Variants in CAMTA1 observed in about 807,000 individuals in gnomAD.
CAMTA1 encodes calmodulin-binding transcription activator 1.
In CAMTA1, 27 loss-of-function variants were observed where a neutral mutation model predicts 170.9. The ratio of observed to expected loss-of-function variants is 0.16; its 90% CI spans 0.12 to 0.22. The LOEUF is 0.22. Among genes scored for constraint, CAMTA1 ranks in the 10% least tolerant of loss-of-function variants. The probability of loss-of-function intolerance (pLI) is 1.00; values close to 1 mark genes in which losing one functional copy is unlikely to be tolerated. For synonymous variants in CAMTA1, 833 were observed against 891.5 expected, an observed-to-expected ratio of 0.93 and a Z score of 1.17; for missense variants, 1,619 against 2,217.2, an observed-to-expected ratio of 0.73 and a Z score of 5.42.
At chr1:7,571,009 A>T (rs7530379) in intron 6 of CAMTA1, among the ~76,000 whole-genome samples, 38 of 152,284 alleles carry the variant, frequency 2.5e-4, no homozygotes, top group African/African-American at 9.1e-4. Context: ...TGTCCCTCCC[A>T]GAGCCAGGCC....
chr1:6,974,889 A>G (rs575572568), intron 3 of CAMTA1, among the ~76,000 whole-genome samples: 48 of 152,242 alleles, frequency 3.2e-4, no homozygotes, highest in Non-Finnish European at 3.7e-4. Context: ...TATCTGACAA[A>G]TATCAAGTAT....
At chr1:7,033,942 T>G (rs1039428178) in intron 3 of CAMTA1, among the ~76,000 whole-genome samples, 2 of 152,136 alleles carry the variant, frequency 1.3e-5, no homozygotes, top group Non-Finnish European at 2.9e-5. Context: ...GGTTACATTA[T>G]TTGGAATTAG....
rs56010035 is a variant in CAMTA1 at position 7,390,308 on chromosome 1, A to G, written c.439-77522A>G. Among the ~76,000 whole-genome samples, 360 of 152,318 alleles carry G rather than the reference A, an allele frequency of 2.4e-3. 5 individuals are homozygous for G. The highest frequency in any genetic ancestry group is 8.3e-3 in the African/African-American group (344 of 41,562). On this transcript the variant is annotated intron_variant, in intron 5 of 22. Transcript: ENST00000303635. ...CCTGCCTTCTCTAAGCATCTGACAC[A>G]GCTCAGGGACCTGCTGTCCTCAGGC...
At chr1:7,439,172 C>T (rs1053880152) in intron 5 of CAMTA1, among the ~76,000 whole-genome samples, 4 of 152,148 alleles carry the variant, frequency 2.6e-5, no homozygotes, top group African/African-American at 4.8e-5. Context: ...GGTCCTGGGT[C>T]GGGCCCGCCC....
chr1:6,814,894 A>G (rs1557611380), intron 1 of CAMTA1, among the ~76,000 whole-genome samples: 1 of 152,108 alleles, frequency 6.6e-6, no homozygotes, highest in Non-Finnish European at 1.5e-5. Flanking sequence ...TCATTAATCC[A>G]TCTTCCAAAA....
intron 5 of CAMTA1, among the ~76,000 whole-genome samples, chr1:7,345,143 CT>C (rs1390773924): frequency 6.6e-6 from 1 of 152,136 alleles, no homozygotes; most frequent in East Asian, 1.9e-4. Flanking sequence ...TCCTTCATCC[CT>C]TTTATATGTT....
At chr1:7,727,778 G>A (rs997686799) in intron 11 of CAMTA1, among the ~76,000 whole-genome samples, 8 of 152,192 alleles carry the variant, frequency 5.3e-5, no homozygotes, top group Admixed American at 6.5e-5. Flanking sequence ...GCGTAAAGGC[G>A]TTGCTTTTGG....
intron 5 of CAMTA1, among the ~76,000 whole-genome samples, chr1:7,395,804 T>C (rs1248142099): frequency 3.9e-5 from 6 of 152,176 alleles, no homozygotes; most frequent in African/African-American, 1.4e-4. Flanking sequence ...TTGCTTAAAT[T>C]TATTACTAGG....
chr1:7,077,632 G>T (rs1309911794), intron 3 of CAMTA1, among the ~76,000 whole-genome samples: 1 of 152,016 alleles, frequency 6.6e-6, no homozygotes, highest in African/African-American at 2.4e-5. Flanking sequence ...TATCTTGGAT[G>T]TGTTAATTTT....
chr1:6,930,632 C>G (rs878896), intron 3 of CAMTA1, among the ~76,000 whole-genome samples: 17,290 of 152,210 alleles, frequency 0.11, 1,124 homozygotes, highest in East Asian at 0.23. Context: ...CTGTACCCCC[C>G]TTTGTCCTAA....
chr1:6,792,114 C>G (rs561360539), intron 1 of CAMTA1, among the ~76,000 whole-genome samples: 3 of 151,874 alleles, frequency 2.0e-5, no homozygotes, highest in Non-Finnish European at 4.4e-5. Flanking sequence ...CCACCATGCC[C>G]GGCTAATTTT....
chr1:6,905,033 G>T (rs1678074097), intron 3 of CAMTA1, among the ~76,000 whole-genome samples: 1 of 151,954 alleles, frequency 6.6e-6, no homozygotes, highest in Non-Finnish European at 1.5e-5. Flanking sequence ...TCTGGGGTCC[G>T]CTCTGTTGCT....
Position 7,633,756 on chromosome 1 carries a change from G to C in CAMTA1, c.511-6644G>C, listed in dbSNP as rs1159924885. 6.6e-6 allele frequency among the ~76,000 whole-genome samples: 1 copy of C among 152,266 alleles called. No individual in the cohort carries two copies. Among genetic ancestry groups the C allele is most frequent in the Admixed American group, 6.5e-5 (1 of 15,290 alleles). On this transcript the variant is annotated intron_variant, in intron 6 of 22. Transcript: ENST00000303635. The surrounding 1 kb of genome is among the most constrained non-coding windows in gnomAD (Gnocchi z 4.1). The stretch of plus-strand genomic sequence containing the variant: ...GCAGACAGAGTCCCAGCCATCCGGA[G>C]CTCACATTGTGGCCAGGAAAACAGG...
At chr1:7,551,119 C>T (rs755931008) in intron 6 of CAMTA1, among the ~76,000 whole-genome samples, 29 of 152,144 alleles carry the variant, frequency 1.9e-4, no homozygotes, top group Admixed American at 7.2e-4. Context: ...GGAAGCACCA[C>T]GAGGTTACTC....
chr1:7,445,951 C>T (rs2092669377), intron 5 of CAMTA1, among the ~76,000 whole-genome samples: 1 of 152,086 alleles, frequency 6.6e-6, no homozygotes, highest in East Asian at 1.9e-4. Context: ...CTGGGTGTGG[C>T]CACAGATGCC....
At chr1:7,140,128 G>T (rs1316670470) in intron 4 of CAMTA1, among the ~76,000 whole-genome samples, 2 of 152,178 alleles carry the variant, frequency 1.3e-5, no homozygotes, top group African/African-American at 4.8e-5. Context: ...AGGTGTCATA[G>T]GGAGGTAGCT....
At chr1:6,907,692 G>A (rs748653072) in intron 3 of CAMTA1, among the ~76,000 whole-genome samples, 6 of 152,148 alleles carry the variant, frequency 3.9e-5, no homozygotes, top group Admixed American at 6.5e-5. Flanking sequence ...TGCCCAGGGC[G>A]TAAGGACGAC....
chr1:7,019,151 T>C (rs1343583522), intron 3 of CAMTA1, among the ~76,000 whole-genome samples: 4 of 152,346 alleles, frequency 2.6e-5, no homozygotes, highest in African/African-American at 9.6e-5. Context: ...GACTTTCTGC[T>C]TCTCACAGCT....
At chr1:7,292,440 C>T (rs745876362) in intron 5 of CAMTA1, among the ~76,000 whole-genome samples, 2 of 152,186 alleles carry the variant, frequency 1.3e-5, no homozygotes, top group African/African-American at 2.4e-5. Context: ...TTGAACACTC[C>T]GGAGAGGCTG....
Sources: gnomAD v4.1 joint callset for allele counts (sites outside exome capture counted in the v4.1 genomes callset) on GRCh38, gnomAD v4.1.1 for gene constraint, Gnocchi (gnomAD v3.1) non-coding constraint, MANE v1.5 for transcripts, NCBI Gene and HGNC (gene_info 2026-07-23, HGNC 2026-07-21) for gene names.